The following PLEC variants were observed in gnomAD, a reference collection of about 807,000 sequenced individuals.
PLEC encodes the protein hemidesmosomal protein 1.
In PLEC, 216 loss-of-function variants were observed where a neutral mutation model predicts 392.8. The ratio of observed to expected loss-of-function variants is 0.55; its 90% CI spans 0.49 to 0.62. PLEC has a LOEUF of 0.62. PLEC is among the 20% of genes least tolerant of loss of function. The probability of loss-of-function intolerance (pLI) is 0.00; values close to 1 mark genes in which losing one functional copy is unlikely to be tolerated. For missense variants in PLEC, 6,863 were observed against 6,563.4 expected (o/e 1.05, Z -1.58); for synonymous variants, 3,621 against 2,980.6 (o/e 1.21, Z -7.00).
chr8:143,931,546 C>G lies in PLEC; in HGVS notation c.2292G>C (p.Leu764=). ...CCCCCTCCCTCACCTGGGCATCCTG[C>G]AGCAGGTCCTCCAGCCGGGTGACGG... ...SATVTRLEDL[L]QDAQDEKEQL... Residue 764 remains leucine, a synonymous_variant, in exon 19 of 32, where the codon CTG becomes CTC. Transcript: ENST00000345136. 1 of 1,591,952 alleles carries G rather than the reference C, an allele frequency of 6.3e-7. No individual in the cohort carries two copies. The highest frequency in any genetic ancestry group is 8.6e-7 in the Non-Finnish European group (1 of 1,169,326).
rs886044855 is a variant in PLEC, at chr8:143,925,840, G to A, written c.4089C>T (p.Ala1363=). The A allele has an allele frequency of 2.9e-5, 45 of 1,552,594 alleles. No homozygotes were observed. Among genetic ancestry groups the A allele is most frequent in the African/African-American group, 8.1e-5 (6 of 73,682 alleles). ...QQRAEERERL[A]EVEAALEKQR... ...GCTTCTCCAGCGCGGCCTCCACCTCGGCCAGCCGCTCGCGCTCCTCTGCCC... is the reference window on the plus strand; with the variant it reads ...GCTTCTCCAGCGCGGCCTCCACCTCAGCCAGCCGCTCGCGCTCCTCTGCCC... The change falls in exon 31 of 32, where the codon GCC becomes GCT. Residue 1363 remains alanine (A), a synonymous_variant. Transcript: ENST00000345136.
At chr8:143,946,480 G>T in intron 1 of PLEC, 1 of 948,720 alleles carries the variant, frequency 1.1e-6, no homozygotes, top group Non-Finnish European at 1.4e-6. Context: ...CAGAGGGAGG[G>T]CCCACTCATG....
chr8:143,950,412 G>A (rs781991899), exon 1 of PLEC: 24 of 1,607,758 alleles, frequency 1.5e-5, no homozygotes, highest in Admixed American at 3.4e-5. Context: ...CGGCGCACGC[G>A]CTGCAGAGAG....
rs549384721 is a variant in PLEC at position 143,924,655 on chromosome 8, G to C, written c.5274C>G (p.Ala1758=). The change falls in exon 31 of 32, where the codon GCC becomes GCG. Residue 1758 remains alanine (A), a synonymous_variant. Coordinates refer to ENST00000345136, the MANE Select transcript of PLEC (RefSeq NM_201384.3). The stretch of plus-strand genomic sequence containing the variant: ...GCACCTCCATCTCGGCCCGCACCTT[G>C]GCCAGCTCGGCTTCCAGCTCCTGCC... ...QKRQELEAEL[A]KVRAEMEVLL... The C allele has an allele frequency of 2.7e-5, 41 of 1,536,456 alleles. No homozygotes were observed. Among genetic ancestry groups the C allele is most frequent in the Non-Finnish European group, 3.5e-5 (40 of 1,147,222 alleles).
chr8:143,946,002 G>A (rs1306271524), intron 1 of PLEC, among the ~76,000 whole-genome samples: 1 of 152,276 alleles, frequency 6.6e-6, no homozygotes, highest in Non-Finnish European at 1.5e-5. Flanking sequence ...CCAGCAGTGG[G>A]CAGGGGCCGA....
chr8:143,944,796 A>G, intron 1 of PLEC: 1 of 973,240 alleles, frequency 1.0e-6, no homozygotes, highest in Non-Finnish European at 1.4e-6. Flanking sequence ...TGCTGCTGTC[A>G]GCAGCAGCTT....
At chr8:143,952,181 A>AACACACACACACAC (rs66992958), upstream of PLEC, among the ~76,000 whole-genome samples, 16 of 140,304 alleles carry the variant, frequency 1.1e-4, no homozygotes, top group East Asian at 2.0e-4. Flanking sequence ...GCAGGCTCCA[A>AACACACACACACAC]ACACACACAC....
At chr8:143,942,389 C>G, upstream of PLEC, 2 of 1,603,220 alleles carry the variant, frequency 1.2e-6, no homozygotes, top group South Asian at 1.1e-5. Context: ...CCACTGCACC[C>G]ACCTACGCAG....
intron 26 of PLEC, 37 bp from the exon 27 acceptor site, chr8:143,927,803 G>A: frequency 6.3e-7 from 1 of 1,582,460 alleles, no homozygotes. Flanking sequence ...GGCTTCAGCT[G>A]GGCCCGCTGT....
chr8:143,938,664 G>C lies in PLEC; in HGVS notation c.141C>G (p.Thr47=), dbSNP rs782244901. The change falls in exon 2 of 32, where the codon ACC becomes ACG. Residue 47 remains threonine (T), a synonymous_variant. Coordinates refer to ENST00000345136, the MANE Select transcript of PLEC (RefSeq NM_201384.3). The part of the protein sequence containing the change: ...KDERDRVQKK[T]FTKWVNKHLI... ...GGTGCTTGTTGACCCACTTGGTGAA[G>C]GTTTTCTTCTGCACACGATCCCGCT... 6.2e-7 allele frequency: 1 copy of C among 1,613,748 alleles called. No homozygotes were observed.
chr8:143,943,967 T>C (rs1830998664), upstream of PLEC: 2 of 1,557,772 alleles, frequency 1.3e-6, no homozygotes, highest in South Asian at 2.3e-5. Context: ...GCCCCCTCCC[T>C]GCGTGCAGGG....
chr8:143,924,296 C>A lies in PLEC; in HGVS notation c.5633G>T (p.Arg1878Leu), dbSNP rs373617951. ...TTGCGCGGCCTGCTCCTCCAGCCGC[C>A]GCCGCTGGAAGGCCTCGTCCTCCGC... Reference protein sequence around the residue: ...RLAEDEAFQRRRLEEQAAQHK... With the variant: ...RLAEDEAFQRLRLEEQAAQHK... Residue 1878 changes from arginine (R) to leucine (L), a missense_variant, in exon 31 of 32, where the codon CGG becomes CTG. By Grantham distance (102) the Arg-to-Leu change is moderately radical. Coordinates refer to ENST00000345136, the MANE Select transcript of PLEC (RefSeq NM_201384.3). 6.3e-7 allele frequency: 1 copy of A among 1,594,980 alleles called. No homozygotes were observed. Among genetic ancestry groups the A allele is most frequent in the Non-Finnish European group, 8.5e-7 (1 of 1,177,942 alleles).
At position 143,927,968 on chromosome 8, in the gene PLEC, G is replaced by A. The variant is rs782565809; in HGVS notation, c.3285C>T (p.Ile1095=). ...LEKLKTISLV[I]RGTQGAEEVL... The stretch of plus-strand genomic sequence containing the variant: ...CCTCCTCGGCCCCCTGCGTGCCGCG[G>A]ATCACCAGGCTGATGGTCTTGAGCC... The change falls in exon 26 of 32, where the codon ATC becomes ATT. Residue 1095 remains isoleucine (I), a synonymous_variant. Transcript: ENST00000345136. 9.4e-6 allele frequency: 15 copies of A among 1,601,586 alleles called. No homozygotes were observed. The highest frequency in any genetic ancestry group is 3.4e-5 in the Admixed American group (2 of 59,612).
chr8:143,939,149 C>T (rs1021940514), intron 1 of PLEC, among the ~76,000 whole-genome samples: 1 of 152,218 alleles, frequency 6.6e-6, no homozygotes, highest in Non-Finnish European at 1.5e-5. Flanking sequence ...CCAGGCCCGA[C>T]ATCTGACGCT....
chr8:143,950,617 GTCC>G, exon 1 of PLEC: 1 of 1,603,060 alleles, frequency 6.2e-7, no homozygotes, highest in Non-Finnish European at 8.5e-7. Context: ...GGGGCCGCCG[GTCC>G]TTCTTGGCCA....
chr8:143,920,297 C>T lies in PLEC; in HGVS notation c.9524G>A (p.Arg3175Lys). The change falls in exon 32 of 32, where the codon AGG (arginine) becomes AAG (lysine). Residue 3175 changes from arginine to lysine, a missense_variant. Transcript: ENST00000345136. ...EETSRALSAP[R>K]ADAKAYSDPS... ...GTCACTGTAGGCCTTGGCGTCGGCC[C>T]TTGGTGCCGACAGGGCCCTGCTGGT... 3 of 1,590,886 alleles carry T rather than the reference C, an allele frequency of 1.9e-6. No individual in the cohort carries two copies. The highest frequency in any genetic ancestry group is 2.2e-5 in the South Asian group (2 of 89,768).
Position 143,917,972 on chromosome 8 carries a change from T to A in PLEC, c.11849A>T (p.Tyr3950Phe). Residue 3950 changes from tyrosine (Y) to phenylalanine (F), a missense_variant, in exon 32 of 32, where the codon TAC becomes TTC. Tyr to Phe is a conservative substitution (Grantham distance 22). Transcript: ENST00000345136. ...VDATKERLSVYQAMKKGIIRP... is the reference protein window; with the variant it reads ...VDATKERLSVFQAMKKGIIRP... ...GATGATGCCCTTCTTCATGGCCTGG[T>A]ACACCGAGAGCCGTTCCTTGGTGGC... is the stretch of plus-strand genomic sequence containing the variant. The A allele has an allele frequency of 6.2e-7, 1 of 1,612,642 alleles. No homozygotes were observed. Among genetic ancestry groups the A allele is most frequent in the South Asian group, 1.1e-5 (1 of 91,066 alleles).
At chr8:143,955,366 A>G (rs1554738924), upstream of PLEC, among the ~76,000 whole-genome samples, 2 of 152,126 alleles carry the variant, frequency 1.3e-5, no homozygotes, top group African/African-American at 4.8e-5. Flanking sequence ...CTGTAGCCCC[A>G]GCTACTCAGG....
rs143553082 is a variant in PLEC, at chr8:143,917,993, G to T, written c.11828C>A (p.Thr3943Asn). 133 of 1,612,506 alleles carry T rather than the reference G, an allele frequency of 8.2e-5. 2 individuals are homozygous for T. In the East Asian group the frequency reaches 2.8e-3, roughly 34 times the overall value. The change falls in exon 32 of 32, where the codon ACC (threonine) becomes AAC (asparagine). Residue 3943 changes from threonine to asparagine, a missense_variant. Physicochemically the swap from Thr to Asn is moderately conservative, Grantham distance 65. Coordinates refer to ENST00000345136, the MANE Select transcript of PLEC (RefSeq NM_201384.3). ...SCIAGVFVDA[T>N]KERLSVYQAM... ...CTGGTACACCGAGAGCCGTTCCTTGGTGGCGTCCACGAAGACACCAGCGAT... is the reference window on the plus strand; with the variant it reads ...CTGGTACACCGAGAGCCGTTCCTTGTTGGCGTCCACGAAGACACCAGCGAT...
Sources: gnomAD v4.1 joint callset for allele counts (sites outside exome capture counted in the v4.1 genomes callset) on GRCh38, gnomAD v4.1.1 for gene constraint, MANE v1.5 for transcripts, NCBI Gene and HGNC (gene_info 2026-07-23, HGNC 2026-07-21) for gene names.